Variants in SNX1 observed in about 807,000 individuals in gnomAD.
SNX1 encodes sorting nexin-1.
SNX1 carries 36 observed loss-of-function variants against 71.8 expected under a neutral mutation model. That is an observed-to-expected ratio of 0.50 (90% confidence interval 0.38 to 0.66). The LOEUF is 0.66. SNX1 is among the 30% of genes least tolerant of loss of function. The probability of loss-of-function intolerance (pLI) is 0.00; values close to 1 mark genes in which losing one functional copy is unlikely to be tolerated. For synonymous variants in SNX1, 254 were observed against 240.7 expected, an observed-to-expected ratio of 1.06 and a Z score of -0.51; for missense variants, 612 against 646.7, an observed-to-expected ratio of 0.95 and a Z score of 0.58.
intron 1 of SNX1, among the ~76,000 whole-genome samples, chr15:64,110,935 T>C (rs1193878395): frequency 6.6e-6 from 1 of 152,248 alleles, no homozygotes; most frequent in Non-Finnish European, 1.5e-5. Context: ...CTTCTAGGCA[T>C]TTTTTAAATG....
chr15:64,107,562 C>G (rs147419892), intron 1 of SNX1, among the ~76,000 whole-genome samples: 138 of 152,280 alleles, frequency 9.1e-4, no homozygotes, highest in Non-Finnish European at 1.7e-3. Flanking sequence ...CTCTCTCTTT[C>G]TGGCACACCT....
intron 14 of SNX1, 124 bp downstream of exon 14, chr15:64,137,056 A>G (rs1224067456): frequency 1.5e-6 from 1 of 686,620 alleles, no homozygotes; most frequent in South Asian, 1.9e-5. Flanking sequence ...CCTATAGTCC[A>G]TCATTGAAAA....
At chr15:64,105,261 G>C (rs1318947535) in intron 1 of SNX1, among the ~76,000 whole-genome samples, 1 of 151,686 alleles carries the variant, frequency 6.6e-6, no homozygotes, top group African/African-American at 2.4e-5. Flanking sequence ...AAACAATAAA[G>C]GTTGCCGTCA....
chr15:64,142,933 A>G lies in SNX1; in HGVS notation c.*5315A>G, dbSNP rs910715011. 1.1e-4 allele frequency: 31 copies of G among 280,976 alleles called. No individual in the cohort carries two copies. The highest frequency in any genetic ancestry group is 6.3e-4 in the African/African-American group (28 of 44,466). The allele number at this position is 280,976 out of a possible 1,614,324, so 17.4% of individuals were successfully genotyped here. ...TCTTTGAAGCAACTCAAGTTTTAAA[A>G]AAGGGGAGGAACTCCTGGAAATCTC... On this transcript the variant is annotated 3_prime_UTR_variant, in exon 15 of 15. Transcript: ENST00000559844.
At chr15:64,115,246 G>GT (rs1263082425) in intron 2 of SNX1, among the ~76,000 whole-genome samples, 1 of 152,136 alleles carries the variant, frequency 6.6e-6, no homozygotes, top group Non-Finnish European at 1.5e-5. Flanking sequence ...TCCCCTACTA[G>GT]TTTTTTAAGT....
chr15:64,109,743 G>A (rs933838836), intron 1 of SNX1, among the ~76,000 whole-genome samples: 5 of 152,034 alleles, frequency 3.3e-5, no homozygotes, highest in African/African-American at 1.2e-4. Flanking sequence ...CCTGACCTCA[G>A]GTTATGTAGG....
chr15:64,113,246 C>CA (rs2081095694), intron 2 of SNX1, among the ~76,000 whole-genome samples: 1 of 152,200 alleles, frequency 6.6e-6, no homozygotes, highest in East Asian at 1.9e-4. Context: ...TAGTATAGGA[C>CA]AGTTTCTCAA....
At chr15:64,097,043 A>C (rs1350610488) in intron 1 of SNX1, among the ~76,000 whole-genome samples, 1 of 152,266 alleles carries the variant, frequency 6.6e-6, no homozygotes, top group Non-Finnish European at 1.5e-5. Flanking sequence ...CAAGGGGCTC[A>C]AGAGCCCACT....
At chr15:64,101,563 A>G (rs2080961943) in intron 1 of SNX1, among the ~76,000 whole-genome samples, 1 of 152,250 alleles carries the variant, frequency 6.6e-6, no homozygotes, top group Non-Finnish European at 1.5e-5. Context: ...GCTGATGTCA[A>G]CATGAGTGTG....
chr15:64,143,492 C>G lies in SNX1; in HGVS notation c.*5874C>G, dbSNP rs1289539025. 1 of 152,206 alleles carries G rather than the reference C, an allele frequency of 6.6e-6. No homozygotes were observed. The highest frequency in any genetic ancestry group is 2.4e-5 in the African/African-American group (1 of 41,450). 9.4% of individuals were successfully genotyped at this position (152,206 alleles called of 1,614,324 possible). On this transcript the variant is annotated 3_prime_UTR_variant, in exon 15 of 15. Transcript: ENST00000559844. ...GATTGTTCCCCAGTTGCAGGCTCTGCCACCTGGCGTTCATACTGTCTGTGA... is the reference window on the plus strand; with the variant it reads ...GATTGTTCCCCAGTTGCAGGCTCTGGCACCTGGCGTTCATACTGTCTGTGA...
chr15:64,127,695 G>C (rs892627475), intron 7 of SNX1, 36 bp from the exon 8 acceptor site: 3 of 1,545,386 alleles, frequency 1.9e-6, no homozygotes, highest in Non-Finnish European at 2.7e-6. Flanking sequence ...TCTGAGGCCA[G>C]CTCAACTAAC....
chr15:64,123,060 A>G (rs980546233), intron 4 of SNX1, among the ~76,000 whole-genome samples: 1 of 152,142 alleles, frequency 6.6e-6, no homozygotes, highest in East Asian at 1.9e-4. Flanking sequence ...GAGCTAGCCT[A>G]GGGTAGAACT....
intron 1 of SNX1, among the ~76,000 whole-genome samples, chr15:64,109,626 A>C (rs1029259010): frequency 6.6e-6 from 1 of 151,602 alleles, no homozygotes; most frequent in Non-Finnish European, 1.5e-5. Flanking sequence ...CCCTGCCTCA[A>C]CCTCCCAAGT....
chr15:64,120,113 A>C (rs956901335), intron 4 of SNX1, among the ~76,000 whole-genome samples: 1 of 152,152 alleles, frequency 6.6e-6, no homozygotes, highest in East Asian at 1.9e-4. Flanking sequence ...TCCTTGTTCT[A>C]GCTATAGTCC....
chr15:64,129,800 C>G lies in SNX1; in HGVS notation c.808-116C>G. ...TCAGACTGCCTTTGAAAACAATTTA[C>G]AGTTCAAATAATTTGTCTGGCAAGT... On this transcript the variant is annotated intron_variant, in intron 8 of 14. Transcript: ENST00000559844. This position sits in a 1 kb window ranked among gnomAD's most constrained non-coding sequence, Gnocchi z 4.4. 1 of 728,252 alleles carries G rather than the reference C, an allele frequency of 1.4e-6. No individual in the cohort carries two copies. The highest frequency in any genetic ancestry group is 1.6e-5 in the South Asian group (1 of 63,150). 45.1% of individuals were successfully genotyped at this position (728,252 alleles called of 1,614,324 possible).
chr15:64,126,881 A>G (rs1305399678), intron 6 of SNX1, among the ~76,000 whole-genome samples: 1 of 152,060 alleles, frequency 6.6e-6, no homozygotes, highest in Non-Finnish European at 1.5e-5. Flanking sequence ...CCCGGCCAGG[A>G]GCCTCTTCAT....
intron 4 of SNX1, among the ~76,000 whole-genome samples, chr15:64,119,292 A>G (rs1216437205): frequency 1.3e-5 from 2 of 151,862 alleles, no homozygotes; most frequent in African/African-American, 4.8e-5. Flanking sequence ...CATGCCGACT[A>G]ATTCTTTTTT....
At chr15:64,135,369 G>C (rs2081348298) in intron 12 of SNX1, among the ~76,000 whole-genome samples, 1 of 150,034 alleles carries the variant, frequency 6.7e-6, no homozygotes, top group Non-Finnish European at 1.5e-5. Context: ...CAAAGTGCTG[G>C]GATTACAGGC....
chr15:64,131,701 A>G lies in SNX1; in HGVS notation c.1030A>G (p.Thr344Ala). Residue 344 changes from threonine (T) to alanine (A), a missense_variant, in exon 11 of 15, where the codon ACA becomes GCA. By Grantham distance (58) the Thr-to-Ala change is moderately conservative. Transcript: ENST00000559844. The part of the protein sequence containing the change: ...VNHRKELALN[T>A]AQFAKSLAML... ...CCTCCTTCCAGAGCTAGCGCTGAAC[A>G]CAGCCCAGTTTGCAAAGAGTCTAGC... 1.9e-6 allele frequency: 3 copies of G among 1,614,122 alleles called. No individual in the cohort carries two copies. The highest frequency in any genetic ancestry group is 2.5e-6 in the Non-Finnish European group (3 of 1,180,030).
Sources: gnomAD v4.1 joint callset for allele counts (sites outside exome capture counted in the v4.1 genomes callset) on GRCh38, gnomAD v4.1.1 for gene constraint, Gnocchi (gnomAD v3.1) non-coding constraint, MANE v1.5 for transcripts, NCBI Gene and HGNC (gene_info 2026-07-23, HGNC 2026-07-21) for gene names.